RECQL4: variants seen among roughly 807,000 people sequenced by gnomAD.
The protein encoded by RECQL4 is RecQ like helicase 4.
A neutral mutation model predicts 128.6 loss-of-function variants in RECQL4; 158 were observed. The ratio of observed to expected loss-of-function variants is 1.23; its 90% CI spans 1.08 to 1.40. The LOEUF is 1.40. Among genes scored for constraint, RECQL4 ranks in the 40% most tolerant of loss-of-function variants. The pLI is 0.00. For missense variants in RECQL4, 2,293 were observed against 1,649.8 expected (o/e 1.39, Z -6.75); for synonymous variants, 996 against 678.9 (o/e 1.47, Z -7.26).
rs751616549 is a variant in RECQL4, at chr8:144,515,188, C to G, written c.1445G>C (p.Arg482Pro). 4 of 1,567,296 alleles carry G rather than the reference C, an allele frequency of 2.6e-6. No homozygotes were observed. The highest frequency in any genetic ancestry group is 2.3e-5 in the South Asian group (2 of 85,738). Residue 482 changes from arginine (R) to proline (P), a missense_variant, in exon 8 of 21, where the codon CGC becomes CCC. Coordinates refer to ENST00000617875, the MANE Select transcript of RECQL4 (RefSeq NM_004260.4). ...ALEQLGHQAF[R>P]PGQERAVMRI... Reference sequence around the variant, plus strand: ...CATGACTGCACGCTCCTGCCCAGGGCGAAAGGCTTGGTGCCCCAGCTGCTC... The same window carrying G: ...CATGACTGCACGCTCCTGCCCAGGGGGAAAGGCTTGGTGCCCCAGCTGCTC...
Position 144,517,805 on chromosome 8 carries a change from C to A in RECQL4, c.-21G>T. On this transcript the variant is annotated 5_prime_UTR_variant, in exon 1 of 21. The change creates a new upstream start codon in the 5' untranslated region. Transcript: ENST00000617875. Reference sequence around the variant, plus strand: ...TCCATGGCGCGCGCGCCCGCCCGGCCTCCGCGCTTGCGATCGTCCAGCGAA... The same window carrying A: ...TCCATGGCGCGCGCGCCCGCCCGGCATCCGCGCTTGCGATCGTCCAGCGAA... 8.3e-7 allele frequency: 1 copy of A among 1,206,876 alleles called. No homozygotes were observed. Among genetic ancestry groups the A allele is most frequent in the South Asian group, 3.2e-5 (1 of 31,044 alleles). The allele number at this position is 1,206,876 out of a possible 1,614,324, so 74.8% of individuals were successfully genotyped here.
intron 10 of RECQL4, 39 bp downstream of exon 10, chr8:144,514,403 C>T (rs535878359): frequency 6.2e-7 from 1 of 1,601,744 alleles, no homozygotes; most frequent in Non-Finnish European, 8.5e-7. Flanking sequence ...AGGTGCCCGC[C>T]CGCTGCCTCC....
In RECQL4 at chr8:144,512,136, C is replaced by G; in HGVS notation, c.3236+8G>C. ...GATGGTCCCAGGCCCCGCCCGCCTC[C>G]TCCCAACCTGTGAAAGGCCTGGAAG... On this transcript the variant is annotated splice_region_variant and intron_variant, in intron 18 of 20. Coordinates refer to ENST00000617875, the MANE Select transcript of RECQL4 (RefSeq NM_004260.4). 2 of 1,604,884 alleles carry G rather than the reference C, an allele frequency of 1.2e-6. No homozygotes were observed. Among genetic ancestry groups the G allele is most frequent in the Non-Finnish European group, 1.7e-6 (2 of 1,175,724 alleles).
chr8:144,514,395 G>A (rs1564799773), intron 10 of RECQL4, 33 bp from the exon 11 acceptor site: 21 of 1,600,638 alleles, frequency 1.3e-5, no homozygotes, highest in Non-Finnish European at 1.8e-5. Context: ...CACAGCCCAG[G>A]TGCCCGCCCG....
rs1356876749 is a variant in RECQL4 at position 144,512,026 on chromosome 8, TC to T, written c.3277del (p.Asp1093MetfsTer57). The T allele has an allele frequency of 1.3e-5, 21 of 1,608,842 alleles. No homozygotes were observed. Among genetic ancestry groups the T allele is most frequent in the Non-Finnish European group, 1.7e-5 (20 of 1,178,816 alleles). The part of the protein sequence containing the change: ...PSCGPCLEQQ[D>X]EERSTRLKDL... ...CTTGAGCCTGGTGCTGCGCTCCTCATCCTGCTGCTCCAGGCAGGGCCCGCAG... is the reference window on the plus strand; with the variant it reads ...CTTGAGCCTGGTGCTGCGCTCCTCATCTGCTGCTCCAGGCAGGGCCCGCAG... On this transcript the variant is annotated frameshift_variant, in exon 19 of 21. Transcript: ENST00000617875. LOFTEE classifies it high-confidence loss of function.
At chr8:144,513,770 T>C (rs1334917099) in intron 12 of RECQL4, 58 bp from the exon 13 acceptor site, 3 of 1,446,934 alleles carry the variant, frequency 2.1e-6, no homozygotes, top group Non-Finnish European at 2.8e-6. Flanking sequence ...GCGTGTGCAG[T>C]GGGGAGTGAG....
chr8:144,517,171 C>CA lies in RECQL4; in HGVS notation c.232dup (p.Trp78LeufsTer59). ...CGCAGCCCGATTCAGATGGGGCCCCCAGCAGCGGGGCTCTGGCGCCTGCAG... is the reference window on the plus strand; with the variant it reads ...CGCAGCCCGATTCAGATGGGGCCCCCAAGCAGCGGGGCTCTGGCGCCTGCAG... On this transcript the variant is annotated frameshift_variant, in exon 4 of 21. Transcript: ENST00000617875. LOFTEE classifies it high-confidence loss of function. The CA allele has an allele frequency of 6.2e-7, 1 of 1,607,262 alleles. No homozygotes were observed. Among genetic ancestry groups the CA allele is most frequent in the Non-Finnish European group, 8.5e-7 (1 of 1,178,240 alleles).
rs1827657754 is a variant in RECQL4, at chr8:144,513,581, T to TGGGACCCA, written c.2182_2189dup (p.Gly733GlnfsTer113). 6.2e-7 allele frequency: 1 copy of TGGGACCCA among 1,610,420 alleles called. No individual in the cohort carries two copies. Among genetic ancestry groups the TGGGACCCA allele is most frequent in the African/African-American group, 1.3e-5 (1 of 74,884 alleles). Reference sequence around the variant, plus strand: ...CTGTCCATGCCGCACCTCCAGACCCTGGGACCCAGGCTGCGTGCAGGCAGG... The same window carrying TGGGACCCA: ...CTGTCCATGCCGCACCTCCAGACCCTGGGACCCAGGGACCCAGGCTGCGTGCAGGCAGG... On this transcript the variant is annotated frameshift_variant, in exon 13 of 21. Coordinates refer to ENST00000617875, the MANE Select transcript of RECQL4 (RefSeq NM_004260.4). LOFTEE classifies it high-confidence loss of function.
chr8:144,515,133 C>G lies in RECQL4; in HGVS notation c.1483+17G>C. The G allele has an allele frequency of 1.3e-6, 2 of 1,568,962 alleles. No individual in the cohort carries two copies. Among genetic ancestry groups the G allele is most frequent in the South Asian group, 1.2e-5 (1 of 85,732 alleles). ...GCCTGGCCTCAGCCCAGCCTCAGCC[C>G]TGGCAGCCACGCTCACCAGACAGGA... On this transcript the variant is annotated intron_variant, in intron 8 of 20. Transcript: ENST00000617875.
Position 144,513,118 on chromosome 8 carries a change from C to T in RECQL4, c.2484G>A (p.Leu828=), listed in dbSNP as rs1333976741. 6.4e-7 allele frequency: 1 copy of T among 1,566,562 alleles called. No homozygotes were observed. Among genetic ancestry groups the T allele is most frequent in the Admixed American group, 1.8e-5 (1 of 56,740 alleles). Residue 828 remains leucine, a synonymous_variant, in exon 15 of 21, where the codon CTG becomes CTA. Coordinates refer to ENST00000617875, the MANE Select transcript of RECQL4 (RefSeq NM_004260.4). The part of the protein sequence containing the change: ...LQPQGEDLRE[L]RRHVHADSTD... ...TGCTGTCGGCGTGCACATGTCTGCG[C>T]AGCTCTCGCAGGTCTTCGCCCTGCA...
rs1300462160 is a variant in RECQL4 at position 144,516,516 on chromosome 8, A to G, written c.603T>C (p.Phe201=). 1.2e-6 allele frequency: 2 copies of G among 1,609,652 alleles called. No homozygotes were observed. Among genetic ancestry groups the G allele is most frequent in the East Asian group, 2.2e-5 (1 of 44,874 alleles). ...LQRCHSEVPD[F]LGAPKACRPD... Reference sequence around the variant, plus strand: ...GCCTGCAGGCTTTGGGGGCCCCCAGAAAATCTGGGACCTCACTGTGACATC... The same window carrying G: ...GCCTGCAGGCTTTGGGGGCCCCCAGGAAATCTGGGACCTCACTGTGACATC... The change falls in exon 5 of 21, where the codon TTT becomes TTC. Residue 201 remains phenylalanine (F), a synonymous_variant. Coordinates refer to ENST00000617875, the MANE Select transcript of RECQL4 (RefSeq NM_004260.4).
Position 144,514,369 on chromosome 8 carries a change from G to T in RECQL4, c.1705-7C>A, listed in dbSNP as rs1377388737. 1 of 1,599,934 alleles carries T rather than the reference G, an allele frequency of 6.3e-7. No homozygotes were observed. Among genetic ancestry groups the T allele is most frequent in the African/African-American group, 1.3e-5 (1 of 74,806 alleles). ...GTACCTGGGCTGCCCGAATCTGAAG[G>T]CAGCAAGATCAGAGGCACAGCCCAG... On this transcript the variant is annotated splice_region_variant and splice_polypyrimidine_tract_variant and intron_variant, in intron 10 of 20. Transcript: ENST00000617875.
chr8:144,512,929 T>C lies in RECQL4; in HGVS notation c.2673A>G (p.Pro891=), dbSNP rs751424598. ...EAEQLSHQAA[P]GPRRVCMGHE... is the part of the protein sequence containing the mutation. ...GGCCCATGCAGACCCTTCTGGGTCCTGGGGCTGCTTGGTGGCTAAGCTGCT... is the reference window on the plus strand; with the variant it reads ...GGCCCATGCAGACCCTTCTGGGTCCCGGGGCTGCTTGGTGGCTAAGCTGCT... Residue 891 remains proline (P), a synonymous_variant, in exon 15 of 21, where the codon CCA becomes CCG. Coordinates refer to ENST00000617875, the MANE Select transcript of RECQL4 (RefSeq NM_004260.4). 5.7e-6 allele frequency: 9 copies of C among 1,578,164 alleles called. No individual in the cohort carries two copies. The African/African-American group carries it at 1.2e-4, about 21-fold the overall frequency.
In RECQL4 at chr8:144,517,177, C is replaced by T. The variant is rs771110626; in HGVS notation, c.227G>A (p.Arg76His). The part of the protein sequence containing the change: ...PAAAEEAPEP[R>H]CWGPHLNRAA... ...CCGATTCAGATGGGGCCCCCAGCAGCGGGGCTCTGGCGCCTGCAGGAGACA... is the reference window on the plus strand; with the variant it reads ...CCGATTCAGATGGGGCCCCCAGCAGTGGGGCTCTGGCGCCTGCAGGAGACA... Residue 76 changes from arginine (R) to histidine (H), a missense_variant, in exon 4 of 21, where the codon CGC (arginine) becomes CAC (histidine). Transcript: ENST00000617875. 1.7e-5 allele frequency: 27 copies of T among 1,605,460 alleles called. No homozygotes were observed. Among genetic ancestry groups the T allele is most frequent in the Non-Finnish European group, 2.0e-5 (23 of 1,177,642 alleles).
At position 144,516,201 on chromosome 8, in the gene RECQL4, C is replaced by T. The variant is rs556744473; in HGVS notation, c.918G>A (p.Gln306=). 93 of 1,613,358 alleles carry T rather than the reference C, an allele frequency of 5.8e-5. No homozygotes were observed. The South Asian group carries it at 9.9e-4, about 17-fold the overall frequency. The change falls in exon 5 of 21, where the codon CAG becomes CAA. Residue 306 remains glutamine (Q), a synonymous_variant. Transcript: ENST00000617875. ...EDPPGEPVQA[Q]PPQPCSSPSN... ...ATGGGCTGCTGCAGGGCTGAGGTGG[C>T]TGTGCCTGTACAGGTTCCCCTGGAG...
rs775914502 is a variant in RECQL4, at chr8:144,511,461, G to A, written c.3597C>T (p.Ala1199=). The A allele has an allele frequency of 5.6e-6, 9 of 1,612,518 alleles. No individual in the cohort carries two copies. The highest frequency in any genetic ancestry group is 7.6e-6 in the Non-Finnish European group (9 of 1,179,728). The part of the protein sequence containing the change: ...HLSFHALVGL[A]TEELLQVAR ...GGGCCACCTGCAGGAGCTCTTCCGT[G>A]GCCAGGCCCACCAGGGCATGGAAGC... is the stretch of plus-strand genomic sequence containing the variant. The change falls in exon 21 of 21, where the codon GCC becomes GCT. Residue 1199 remains alanine, a synonymous_variant. Transcript: ENST00000617875.
At position 144,516,218 on chromosome 8, in the gene RECQL4, C is replaced by T. The variant is rs34633809; in HGVS notation, c.901G>A (p.Glu301Lys). ...AVAVEEDPPG[E>K]PVQAQPPQPC... ...TGAGGTGGCTGTGCCTGTACAGGTT[C>T]CCCTGGAGGGTCTTCCTCAACTGCT... The change falls in exon 5 of 21, where the codon GAA becomes AAA. Residue 301 changes from glutamate (E) to lysine (K), a missense_variant. Coordinates refer to ENST00000617875, the MANE Select transcript of RECQL4 (RefSeq NM_004260.4). The T allele has an allele frequency of 2.0e-4, 318 of 1,613,218 alleles. 1 individual carries two copies. In the East Asian group the frequency reaches 5.0e-3, roughly 26 times the overall value.
At chr8:144,515,487 A>G in intron 6 of RECQL4, 30 bp from the exon 7 acceptor site, 1 of 1,612,244 alleles carries the variant, frequency 6.2e-7, no homozygotes. Flanking sequence ...GTAGAATGGG[A>G]GCTCCAGGTC....
Position 144,516,605 on chromosome 8 carries a change from G to A in RECQL4, c.514C>T (p.Leu172Phe), listed in dbSNP as rs188859497. ...LPEPQPRPGRLQHLQASLSQR... is the reference protein window; with the variant it reads ...LPEPQPRPGRFQHLQASLSQR... ...CTCAGGGATGCCTGCAGATGCTGGA[G>A]CCGGCCTGGCCTTGGCTGGGGCTCA... Residue 172 changes from leucine (L) to phenylalanine (F), a missense_variant, in exon 5 of 21, where the codon CTC (leucine) becomes TTC (phenylalanine). Leu to Phe is a conservative substitution (Grantham distance 22). Coordinates refer to ENST00000617875, the MANE Select transcript of RECQL4 (RefSeq NM_004260.4). 190 of 1,610,686 alleles carry A rather than the reference G, an allele frequency of 1.2e-4. No individual in the cohort carries two copies. The African/African-American group carries it at 2.2e-3, about 19-fold the overall frequency.
Sources: gnomAD v4.1 joint callset for allele counts on GRCh38, gnomAD v4.1.1 for gene constraint, MANE v1.5 for transcripts, NCBI Gene and HGNC (gene_info 2026-07-23, HGNC 2026-07-21) for gene names.